The following NR0B2 variants were observed in gnomAD, a reference collection of about 807,000 sequenced individuals.
NR0B2 encodes the protein nuclear receptor subfamily 0 group B member 2.
A neutral mutation model predicts 18.9 loss-of-function variants in NR0B2; 17 were observed. The ratio of observed to expected loss-of-function variants is 0.90; its 90% CI spans 0.62 to 1.35. The LOEUF is 1.35. NR0B2 is among the 40% of genes most tolerant of loss of function. The probability of loss-of-function intolerance (pLI) is 0.00; values close to 1 mark genes in which losing one functional copy is unlikely to be tolerated. For missense variants in NR0B2, 312 were observed against 333.3 expected, an observed-to-expected ratio of 0.94 and a Z score of 0.50; for synonymous variants, 116 against 138.5, an observed-to-expected ratio of 0.84 and a Z score of 1.14.
In NR0B2 at chr1:26,913,693, T is replaced by C. The variant is rs756002437; in HGVS notation, c.248A>G (p.Asp83Gly). 1 of 1,611,382 alleles carries C rather than the reference T, an allele frequency of 6.2e-7. No individual in the cohort carries two copies. Among genetic ancestry groups the C allele is most frequent in the East Asian group, 2.2e-5 (1 of 44,784 alleles). ...GCAACCCTGCAGCAGCCGCCGCTGGTCCTGGGGAGGCAGCTGCCAGAAGGA... is the reference window on the plus strand; with the variant it reads ...GCAACCCTGCAGCAGCCGCCGCTGGCCCTGGGGAGGCAGCTGCCAGAAGGA... The part of the protein sequence containing the change: ...LPSFWQLPPQ[D>G]QRRLLQGCWG... The change falls in exon 1 of 2, where the codon GAC (aspartate) becomes GGC (glycine). Residue 83 changes from aspartate (D) to glycine (G), a missense_variant. Coordinates refer to ENST00000254227, the MANE Select transcript of NR0B2 (RefSeq NM_021969.3).
rs989201434 is a variant in NR0B2, at chr1:26,911,934, T to C, written c.685A>G (p.Thr229Ala). 8 of 1,613,972 alleles carry C rather than the reference T, an allele frequency of 5.0e-6. No individual in the cohort carries two copies. The highest frequency in any genetic ancestry group is 1.3e-5 in the African/African-American group (1 of 74,884). The change falls in exon 2 of 2, where the codon ACC (threonine) becomes GCC (alanine). Residue 229 changes from threonine to alanine, a missense_variant. Coordinates refer to ENST00000254227, the MANE Select transcript of NR0B2 (RefSeq NM_021969.3). ...AAGAAGAGGTCCCCAAGCAGGCTGG[T>C]CGGAATGGACTTGAGGGTGGAGGCC... is the stretch of plus-strand genomic sequence containing the variant. Reference protein sequence around the residue: ...LTASTLKSIPTSLLGDLFFRP... With the variant: ...LTASTLKSIPASLLGDLFFRP...
At chr1:26,912,695 T>C (rs2082035837) in intron 1 of NR0B2, among the ~76,000 whole-genome samples, 1 of 152,162 alleles carries the variant, frequency 6.6e-6, no homozygotes, top group African/African-American at 2.4e-5. Flanking sequence ...CTACGCCCCT[T>C]TCAGTCATCT....
Position 26,911,490 on chromosome 1 carries a change from T to G in NR0B2, c.*355A>C. 1 of 347,094 alleles carries G rather than the reference T, an allele frequency of 2.9e-6. No individual in the cohort carries two copies. The allele number at this position is 347,094 out of a possible 1,614,324, so 21.5% of individuals were successfully genotyped here. A position where few individuals can be genotyped will look rare whatever the true frequency, so the allele number is the denominator to read the frequency against. On this transcript the variant is annotated 3_prime_UTR_variant, in exon 2 of 2. Coordinates refer to ENST00000254227, the MANE Select transcript of NR0B2 (RefSeq NM_021969.3). ...ACAAATGACAGTATCAGGCTCCAAG[T>G]GTTTCATACCTTTTATTACAAAAAT...
chr1:26,911,540 A>G lies in NR0B2; in HGVS notation c.*305T>C, dbSNP rs755993176. 2.6e-5 allele frequency: 11 copies of G among 417,964 alleles called. No individual in the cohort carries two copies. The highest frequency in any genetic ancestry group is 4.5e-5 in the Non-Finnish European group (10 of 221,652). 25.9% of individuals were successfully genotyped at this position (417,964 alleles called of 1,614,324 possible). A position where few individuals can be genotyped will look rare whatever the true frequency, so the allele number is the denominator to read the frequency against. On this transcript the variant is annotated 3_prime_UTR_variant, in exon 2 of 2. Transcript: ENST00000254227. The stretch of plus-strand genomic sequence containing the variant: ...TCAATAACTTAATTCAGTTCTGTAT[A>G]AAGTCGATAGGACTTCTGGTCCAAT...
chr1:26,911,570 A>C lies in NR0B2; in HGVS notation c.*275T>G. The C allele has an allele frequency of 2.1e-6, 1 of 485,504 alleles. No homozygotes were observed. The allele number at this position is 485,504 out of a possible 1,614,324, so 30.1% of individuals were successfully genotyped here. On this transcript the variant is annotated 3_prime_UTR_variant, in exon 2 of 2. Transcript: ENST00000254227. ...CGATAGGACTTCTGGTCCAATAAGCAGCCTAAGCTTTCATTCTCATCCCAA... is the reference window on the plus strand; with the variant it reads ...CGATAGGACTTCTGGTCCAATAAGCCGCCTAAGCTTTCATTCTCATCCCAA...
At chr1:26,912,425 T>C (rs1268427236) in intron 1 of NR0B2, among the ~76,000 whole-genome samples, 1 of 152,132 alleles carries the variant, frequency 6.6e-6, no homozygotes, top group Non-Finnish European at 1.5e-5. Flanking sequence ...GGAATAATAA[T>C]ATTAATAGGA....
Position 26,913,519 on chromosome 1 carries a change from G to A in NR0B2, c.422C>T (p.Pro141Leu), listed in dbSNP as rs746000632. 1.2e-6 allele frequency: 2 copies of A among 1,613,402 alleles called. No homozygotes were observed. The highest frequency in any genetic ancestry group is 2.2e-5 in the South Asian group (2 of 91,064). Residue 141 changes from proline to leucine, a missense_variant, in exon 1 of 2, where the codon CCC (proline) becomes CTC (leucine). Coordinates refer to ENST00000254227, the MANE Select transcript of NR0B2 (RefSeq NM_021969.3). ...AAGCCACTGCACCGCAGCCAGGGAG[G>A]GCTGGGGTCTGTCTGGCAGTTGGCC... ...GSGQLPDRPQPSLAAVQWLQC... is the reference protein window; with the variant it reads ...GSGQLPDRPQLSLAAVQWLQC...
At position 26,913,772 on chromosome 1, in the gene NR0B2, G is replaced by A. The variant is rs777291973; in HGVS notation, c.169C>T (p.Arg57Trp). 1.4e-5 allele frequency: 22 copies of A among 1,566,246 alleles called. No individual in the cohort carries two copies. The East Asian group carries it at 1.8e-4, about 13-fold the overall frequency. ...TTGGCCAGAACATCCAAGGCCTCCC[G>A]GCAGGTGCGATGAGGTGCACATAGC... ...VQLCAPHRTC[R>W]EALDVLAKTV... The change falls in exon 1 of 2, where the codon CGG becomes TGG. Residue 57 changes from arginine to tryptophan, a missense_variant. Coordinates refer to ENST00000254227, the MANE Select transcript of NR0B2 (RefSeq NM_021969.3).
chr1:26,911,831 T>A lies in NR0B2; in HGVS notation c.*14A>T. The A allele has an allele frequency of 6.2e-7, 1 of 1,614,130 alleles. No homozygotes were observed. The highest frequency in any genetic ancestry group is 1.1e-5 in the South Asian group (1 of 91,042). On this transcript the variant is annotated 3_prime_UTR_variant, in exon 2 of 2. Transcript: ENST00000254227. ...AGCCTCTGCCCACCTGATCTCTGCC[T>A]GGGCTGGAACAGGTCACCTGAGCAA...
intron 1 of NR0B2, among the ~76,000 whole-genome samples, chr1:26,912,534 A>G (rs1303441317): frequency 6.6e-6 from 1 of 152,142 alleles, no homozygotes; most frequent in Non-Finnish European, 1.5e-5. Flanking sequence ...AGTATTTGCT[A>G]CTATTATTAC....
rs201991593 is a variant in NR0B2 at position 26,913,409 on chromosome 1, C to G, written c.532G>C (p.Asp178His). The G allele has an allele frequency of 2.5e-6, 4 of 1,614,034 alleles. No homozygotes were observed. Among genetic ancestry groups the G allele is most frequent in the Non-Finnish European group, 2.5e-6 (3 of 1,179,964 alleles). Residue 178 changes from aspartate to histidine, a missense_variant and splice_region_variant, in exon 1 of 2, where the codon GAT becomes CAT. By Grantham distance (81) the Asp-to-His change is moderately conservative. Transcript: ENST00000254227. ...CLKGTILFNP[D>H]VPGLQAASHI... ...CACCCAGGAGTGTCTGGGAGCTCAC[C>G]GGGGTTGAAGAGGATGGTCCCTTTC...
intron 1 of NR0B2, among the ~76,000 whole-genome samples, chr1:26,913,131 C>T (rs993147982): frequency 6.6e-6 from 1 of 152,004 alleles, no homozygotes; most frequent in African/African-American, 2.4e-5. Flanking sequence ...CTAAAAAGTA[C>T]AAAAATTAGC....
intron 1 of NR0B2, 115 bp downstream of exon 1, chr1:26,913,294 T>A (rs927603106): frequency 3.1e-6 from 3 of 979,594 alleles, no homozygotes; most frequent in Non-Finnish European, 4.8e-6. Flanking sequence ...CTCAGAAAAA[T>A]AAAAAGAAAA....
Position 26,912,083 on chromosome 1 carries a change from A to C in NR0B2, c.536T>G (p.Val179Gly). Residue 179 changes from valine to glycine, a missense_variant, in exon 2 of 2, where the codon GTG (valine) becomes GGG (glycine). Val to Gly is a moderately radical substitution (Grantham distance 109, BLOSUM62 -3). Transcript: ENST00000254227. Reference protein sequence around the residue: ...LKGTILFNPDVPGLQAASHIG... With the variant: ...LKGTILFNPDGPGLQAASHIG... The stretch of plus-strand genomic sequence containing the variant: ...GTGGGAGGCGGCTTGGAGGCCTGGC[A>C]CATCTGTGGGCAGAGAGGGAGAAGA... 6.2e-7 allele frequency: 1 copy of C among 1,613,502 alleles called. No homozygotes were observed. The highest frequency in any genetic ancestry group is 8.5e-7 in the Non-Finnish European group (1 of 1,180,002).
rs2082027646 is a variant in NR0B2, at chr1:26,911,713, G to T, written c.*132C>A. 1 of 1,040,918 alleles carries T rather than the reference G, an allele frequency of 9.6e-7. No homozygotes were observed. Among genetic ancestry groups the T allele is most frequent in the Non-Finnish European group, 1.5e-6 (1 of 679,132 alleles). 64.5% of individuals were successfully genotyped at this position (1,040,918 alleles called of 1,614,324 possible). ...GTGGGGTGTGGCTGAGTGAAGAGCT[G>T]TTCCTAAGGAGCCAAGTGCTGTCTA... On this transcript the variant is annotated 3_prime_UTR_variant, in exon 2 of 2. Coordinates refer to ENST00000254227, the MANE Select transcript of NR0B2 (RefSeq NM_021969.3).
In NR0B2 at chr1:26,913,929, G is replaced by T. The variant is rs767766284; in HGVS notation, c.12C>A (p.Ser4Arg). MST[S>R]QPGACPCQGA... is the part of the protein sequence containing the mutation. ...CCTGGCATGGGCAGGCCCCTGGTTG[G>T]CTGGTGCTCATGGTTAGGGATCTGC... Residue 4 changes from serine (S) to arginine (R), a missense_variant, in exon 1 of 2, where the codon AGC becomes AGA. By Grantham distance (110) the Ser-to-Arg change is moderately radical. Coordinates refer to ENST00000254227, the MANE Select transcript of NR0B2 (RefSeq NM_021969.3). The T allele has an allele frequency of 6.8e-7, 1 of 1,476,530 alleles. No individual in the cohort carries two copies. Among genetic ancestry groups the T allele is most frequent in the Non-Finnish European group, 9.0e-7 (1 of 1,111,512 alleles). The allele number at this position is 1,476,530 out of a possible 1,614,324, so 91.5% of individuals were successfully genotyped here. A position where few individuals can be genotyped will look rare whatever the true frequency, so the allele number is the denominator to read the frequency against.
Position 26,911,721 on chromosome 1 carries a change from G to T in NR0B2, c.*124C>A. 1 of 1,127,508 alleles carries T rather than the reference G, an allele frequency of 8.9e-7. No individual in the cohort carries two copies. The highest frequency in any genetic ancestry group is 1.3e-6 in the Non-Finnish European group (1 of 753,990). The allele number at this position is 1,127,508 out of a possible 1,614,324, so 69.8% of individuals were successfully genotyped here. On this transcript the variant is annotated 3_prime_UTR_variant, in exon 2 of 2. Coordinates refer to ENST00000254227, the MANE Select transcript of NR0B2 (RefSeq NM_021969.3). ...TGGCTGAGTGAAGAGCTGTTCCTAA[G>T]GAGCCAAGTGCTGTCTATACAGGCT...
chr1:26,912,328 A>G (rs774498054), intron 1 of NR0B2, among the ~76,000 whole-genome samples: 4 of 152,150 alleles, frequency 2.6e-5, no homozygotes, highest in Non-Finnish European at 5.9e-5. Flanking sequence ...CTTCCTGGGT[A>G]TGAATCCCAG....
At chr1:26,913,058 G>T (rs566697317) in intron 1 of NR0B2, among the ~76,000 whole-genome samples, 5 of 152,306 alleles carry the variant, frequency 3.3e-5, no homozygotes, top group Non-Finnish European at 7.3e-5. Context: ...CAAGGTGGGT[G>T]GATCACCTGA....
Sources: allele counts gnomAD v4.1 joint callset (sites outside exome capture counted in the v4.1 genomes callset), GRCh38; gene constraint gnomAD v4.1.1; transcripts MANE v1.5; gene names NCBI Gene and HGNC (gene_info 2026-07-23, HGNC 2026-07-21).